Variants in PAPPA observed in about 807,000 individuals in gnomAD.
PAPPA encodes pappalysin-1.
In PAPPA, 60 loss-of-function variants were observed where a neutral mutation model predicts 164.0. The ratio of observed to expected loss-of-function variants is 0.37; its 90% CI spans 0.30 to 0.45. The LOEUF (loss-of-function observed/expected upper bound fraction) is 0.45, where lower values mean the gene tolerates loss of function less well. Among genes scored for constraint, PAPPA ranks in the 20% least tolerant of loss-of-function variants. The pLI is 1.00. For synonymous variants in PAPPA, 875 were observed against 814.1 expected (o/e 1.07, Z -1.27); for missense variants, 1,782 against 2,087.3 (o/e 0.85, Z 2.85).
At chr9:116,176,292 C>T (rs1843834089) in intron 1 of PAPPA, among the ~76,000 whole-genome samples, 1 of 152,106 alleles carries the variant, frequency 6.6e-6, no homozygotes, top group South Asian at 2.1e-4. Context: ...ATTCTGAGAG[C>T]ATCAGAGAAA....
chr9:116,191,203 G>T (rs955854003), intron 2 of PAPPA, among the ~76,000 whole-genome samples: 1 of 152,276 alleles, frequency 6.6e-6, no homozygotes, highest in Non-Finnish European at 1.5e-5. Context: ...AATTACAGGA[G>T]GCAGCTTTGA....
intron 2 of PAPPA, among the ~76,000 whole-genome samples, chr9:116,206,323 C>T (rs978988272): frequency 6.6e-6 from 1 of 152,168 alleles, no homozygotes; most frequent in Non-Finnish European, 1.5e-5. Flanking sequence ...CTTTCTGTGA[C>T]ATGGGCGGCC....
intron 1 of PAPPA, among the ~76,000 whole-genome samples, chr9:116,180,139 C>T (rs1843886100): frequency 6.6e-6 from 1 of 151,974 alleles, no homozygotes. Context: ...CTTGGAGTCA[C>T]AGAATGTGGA....
At chr9:116,284,448 T>G (rs1345335518) in intron 9 of PAPPA, among the ~76,000 whole-genome samples, 1 of 152,060 alleles carries the variant, frequency 6.6e-6, no homozygotes, top group Non-Finnish European at 1.5e-5. Flanking sequence ...CACCTACTCT[T>G]TAAGTATCAG....
chr9:116,311,404 A>C (rs554859897), intron 10 of PAPPA, among the ~76,000 whole-genome samples: 1 of 152,338 alleles, frequency 6.6e-6, no homozygotes, highest in African/African-American at 2.4e-5. Context: ...GTGCTGTGAT[A>C]TGTGGACAAA....
intron 1 of PAPPA, among the ~76,000 whole-genome samples, chr9:116,160,385 A>G (rs1012816209): frequency 5.3e-5 from 8 of 152,134 alleles, no homozygotes; most frequent in Admixed American, 1.3e-4. Flanking sequence ...TGTCAAATGA[A>G]TCTCTCGGAG....
intron 10 of PAPPA, among the ~76,000 whole-genome samples, chr9:116,319,012 C>T (rs10983110): frequency 0.028 from 4,200 of 152,218 alleles, 201 homozygotes; most frequent in East Asian, 0.23. Context: ...TTTCCCTCTC[C>T]CCGCCTCCCA....
At chr9:116,335,681 C>A (rs917856110) in intron 13 of PAPPA, among the ~76,000 whole-genome samples, 69 of 152,148 alleles carry the variant, frequency 4.5e-4, no homozygotes, top group African/African-American at 1.6e-3. Flanking sequence ...GAGCTACAAG[C>A]GAGTGGAGTT....
chr9:116,253,648 C>A (rs551868393), intron 7 of PAPPA, among the ~76,000 whole-genome samples: 188 of 152,196 alleles, frequency 1.2e-3, no homozygotes, highest in African/African-American at 4.4e-3. Flanking sequence ...GAGTAATACT[C>A]AGACAAAATT....
intron 2 of PAPPA, among the ~76,000 whole-genome samples, chr9:116,204,698 G>A (rs1308777945): frequency 6.6e-6 from 1 of 152,156 alleles, no homozygotes; most frequent in East Asian, 1.9e-4. Flanking sequence ...TTACAAGCAT[G>A]AGCCACCATG....
chr9:116,243,875 G>A (rs144188279), intron 7 of PAPPA, among the ~76,000 whole-genome samples: 2 of 152,092 alleles, frequency 1.3e-5, no homozygotes, highest in Non-Finnish European at 2.9e-5. Context: ...TCCCACGCCT[G>A]CCCAGCATGG....
intron 15 of PAPPA, among the ~76,000 whole-genome samples, chr9:116,350,126 T>C (rs759461622): frequency 2.6e-5 from 4 of 152,232 alleles, no homozygotes; most frequent in African/African-American, 9.7e-5. Flanking sequence ...ATTAACTCCT[T>C]GGTACTTTAA....
intron 18 of PAPPA, among the ~76,000 whole-genome samples, chr9:116,364,092 T>G (rs2118637561): frequency 6.6e-6 from 1 of 152,344 alleles, no homozygotes; most frequent in Middle Eastern, 3.4e-3. Flanking sequence ...TCTAGAAGGT[T>G]GGGCAACAAG....
At chr9:116,246,890 G>C (rs900032113) in intron 7 of PAPPA, among the ~76,000 whole-genome samples, 14 of 152,012 alleles carry the variant, frequency 9.2e-5, no homozygotes, top group Admixed American at 6.6e-4. Flanking sequence ...GTATAGTGAT[G>C]TGCACCTGTG....
rs148776576 is a variant in PAPPA, at chr9:116,327,499, C to A, written c.3148-3745C>A. 9.1e-4 allele frequency among the ~76,000 whole-genome samples: 138 copies of A among 152,156 alleles called. 1 individual carries two copies. The highest frequency in any genetic ancestry group is 1.6e-3 in the Non-Finnish European group (109 of 68,006). ...GAGGCCCCTAGAATGCGTGATATAA[C>A]TCTCCTGCATGTCTCCTCCCAAAAC... On this transcript the variant is annotated intron_variant, in intron 10 of 21. Transcript: ENST00000328252.
At chr9:116,376,862 G>A (rs1344471440) in intron 19 of PAPPA, among the ~76,000 whole-genome samples, 3 of 152,074 alleles carry the variant, frequency 2.0e-5, no homozygotes, top group East Asian at 1.9e-4. Flanking sequence ...AGTATGACAC[G>A]GCAGCAGGTG....
intron 1 of PAPPA, among the ~76,000 whole-genome samples, chr9:116,174,670 T>C (rs1843811384): frequency 6.6e-6 from 1 of 152,116 alleles, no homozygotes; most frequent in South Asian, 2.1e-4. Flanking sequence ...CAAAAATGGA[T>C]TAATTCTTTC....
intron 18 of PAPPA, among the ~76,000 whole-genome samples, chr9:116,363,507 T>C (rs1453625668): frequency 6.6e-6 from 1 of 152,244 alleles, no homozygotes; most frequent in African/African-American, 2.4e-5. Flanking sequence ...ACCAGGTGTC[T>C]GGACACATGC....
intron 1 of PAPPA, among the ~76,000 whole-genome samples, chr9:116,174,296 T>G (rs183096478): frequency 2.0e-5 from 3 of 152,220 alleles, no homozygotes; most frequent in African/African-American, 7.2e-5. Flanking sequence ...CTTATCTCCC[T>G]TTGCCATCTC....
Sources: gnomAD v4.1 joint callset for allele counts (sites outside exome capture counted in the v4.1 genomes callset) on GRCh38, gnomAD v4.1.1 for gene constraint, MANE v1.5 for transcripts, NCBI Gene and HGNC (gene_info 2026-07-23, HGNC 2026-07-21) for gene names.